Variants in DST observed in about 807,000 individuals in gnomAD.
DST encodes the protein dystonin, also known as bullous pemphigoid antigen.
In DST, 253 loss-of-function variants were observed where a neutral mutation model predicts 875.2. The observed-to-expected ratio is 0.29, with a 90% confidence interval of 0.26 to 0.32. DST has a LOEUF of 0.32. Ranked by LOEUF, DST falls within the 10% of genes least tolerant of loss-of-function variation. The pLI, the probability that DST is intolerant of heterozygous loss-of-function variation, is 1.00. For missense variants in DST, 8,287 were observed against 9,111.6 expected, an observed-to-expected ratio of 0.91 and a Z score of 3.68; for synonymous variants, 3,124 against 3,197.1, an observed-to-expected ratio of 0.98 and a Z score of 0.77.
At chr6:56,703,521 A>G (rs73746930) in intron 7 of DST, 127 bp downstream of exon 7, 12,853 of 173,460 alleles carry the variant, frequency 0.074, 1,707 homozygotes, top group African/African-American at 0.28. Flanking sequence ...ATCTACCTCA[A>G]TGTGGGTTTT....
chr6:56,572,093 T>C lies in DST; in HGVS notation c.13721+7A>G, dbSNP rs935906156. Reference sequence around the variant, plus strand: ...GAATAAAATATAATTTTTAAAGTGGTACTTACTTTTCTTTGATGGTATCCT... The same window carrying C: ...GAATAAAATATAATTTTTAAAGTGGCACTTACTTTTCTTTGATGGTATCCT... On this transcript the variant is annotated splice_region_variant and intron_variant, in intron 53 of 103. Coordinates refer to ENST00000680361, the MANE Select transcript of DST (RefSeq NM_001374736.1). 2.1e-6 allele frequency: 3 copies of C among 1,424,884 alleles called. No individual in the cohort carries two copies. The African/African-American group carries it at 4.4e-5, about 21-fold the overall frequency. 88.3% of individuals were successfully genotyped at this position (1,424,884 alleles called of 1,614,324 possible).
intron 97 of DST, 62 bp downstream of exon 97, chr6:56,469,821 A>T: frequency 7.1e-7 from 1 of 1,417,278 alleles, no homozygotes; most frequent in East Asian, 2.3e-5. Flanking sequence ...TGGAGATCAA[A>T]TTGTATACAG....
Position 56,528,835 on chromosome 6 carries a change from T to A in DST, c.17680+6A>T, listed in dbSNP as rs368963414. ...ACATGATGATTTGATTTGAAAGATA[T>A]CTCACCTGTGGTTTGTTTAAGTAGT... On this transcript the variant is annotated splice_donor_region_variant and intron_variant, in intron 67 of 103. Transcript: ENST00000680361. 7.1e-5 allele frequency: 108 copies of A among 1,525,120 alleles called. No individual in the cohort carries two copies. The highest frequency in any genetic ancestry group is 9.4e-5 in the Non-Finnish European group (105 of 1,115,306). The allele number at this position is 1,525,120 out of a possible 1,614,324, so 94.5% of individuals were successfully genotyped here. A position where few individuals can be genotyped will look rare whatever the true frequency, so the allele number is the denominator to read the frequency against.
At chr6:56,659,051 T>C (rs1249555507) in intron 10 of DST, among the ~76,000 whole-genome samples, 4 of 152,086 alleles carry the variant, frequency 2.6e-5, no homozygotes, top group African/African-American at 9.7e-5. Context: ...TGAAAAGCCA[T>C]CAAAATGCAT....
At chr6:56,480,685 T>C (rs1288579706) in intron 90 of DST, among the ~76,000 whole-genome samples, 2 of 152,210 alleles carry the variant, frequency 1.3e-5, no homozygotes, top group Non-Finnish European at 2.9e-5. Flanking sequence ...TACAGGTAAT[T>C]TTATGCTATT....
rs778997577 is a variant in DST at position 56,552,526 on chromosome 6, C to T, written c.16266G>A (p.Lys5422=). Residue 5422 remains lysine, a synonymous_variant, in exon 61 of 104, where the codon AAG becomes AAA. Transcript: ENST00000680361. ...GRDAETLQKQ[K]ETIKAFLKKL... is the part of the protein sequence containing the mutation. ...TCTTTAGAAAGGCTTTTATAGTTTC[C>T]TTTTGCTTTTGCAATGTTTCTGCAT... 3.1e-6 allele frequency: 5 copies of T among 1,613,810 alleles called. No homozygotes were observed. Among genetic ancestry groups the T allele is most frequent in the Non-Finnish European group, 4.2e-6 (5 of 1,179,872 alleles).
At chr6:56,780,388 T>C (rs1393481892) in intron 4 of DST, among the ~76,000 whole-genome samples, 1 of 151,644 alleles carries the variant, frequency 6.6e-6, no homozygotes, top group East Asian at 1.9e-4. Flanking sequence ...CCAGCACCTG[T>C]TGTTTCCTGA....
intron 60 of DST, among the ~76,000 whole-genome samples, chr6:56,554,141 G>A (rs746733867): frequency 6.9e-5 from 8 of 116,270 alleles, no homozygotes; most frequent in South Asian, 3.0e-4. Flanking sequence ...CTGGAGTGTT[G>A]AGGCGCTATC....
chr6:56,640,669 T>C, intron 17 of DST, 64 bp from the exon 18 acceptor site: 2 of 1,235,424 alleles, frequency 1.6e-6, no homozygotes, highest in Non-Finnish European at 2.4e-6. Context: ...GAGTGAACTC[T>C]AATGTTAATT....
intron 86 of DST, among the ~76,000 whole-genome samples, chr6:56,488,582 T>C (rs1371768149): frequency 1.3e-5 from 2 of 152,184 alleles, no homozygotes; most frequent in Non-Finnish European, 2.9e-5. Context: ...CTCCTAAGGT[T>C]AGACCCACTG....
At chr6:56,464,011 C>T (rs2094462246) in intron 100 of DST, 3 of 582,640 alleles carry the variant, frequency 5.1e-6, no homozygotes, top group South Asian at 1.7e-5. Flanking sequence ...TAACACTAGA[C>T]ACCAGCAAGA....
chr6:56,465,252 T>C (rs2152383817), intron 99 of DST, among the ~76,000 whole-genome samples: 1 of 152,296 alleles, frequency 6.6e-6, no homozygotes, highest in Admixed American at 6.5e-5. Flanking sequence ...GGAGGAAACC[T>C]GGGATCCCAC....
Position 56,478,890 on chromosome 6 carries a change from A to T in DST, c.21532-1402T>A, listed in dbSNP as rs565677819. On this transcript the variant is annotated intron_variant, in intron 90 of 103. Transcript: ENST00000680361. ...AATTTATGACAAAGATCCCAAAAGC[A>T]AATGTGACAAAAACAAATATAGACA... Among the ~76,000 whole-genome samples, 11 of 152,374 alleles carry T rather than the reference A, an allele frequency of 7.2e-5. 1 individual carries two copies. In the South Asian group the frequency reaches 2.1e-3, roughly 29 times the overall value.
chr6:56,824,400 G>C (rs1011293165), intron 4 of DST, among the ~76,000 whole-genome samples: 3 of 152,190 alleles, frequency 2.0e-5, no homozygotes, highest in African/African-American at 7.2e-5. Context: ...CCAAAGAGCC[G>C]AGATTGCAGC....
At chr6:56,870,112 G>A (rs1443829108) in intron 3 of DST, among the ~76,000 whole-genome samples, 1 of 152,064 alleles carries the variant, frequency 6.6e-6, no homozygotes, top group African/African-American at 2.4e-5. Context: ...CTCGTGGTGA[G>A]ACAGGACTAG....
At position 56,648,684 on chromosome 6, in the gene DST, A is replaced by G; in HGVS notation, c.1440T>C (p.Val480=). The G allele has an allele frequency of 6.4e-7, 1 of 1,560,784 alleles. No homozygotes were observed. The highest frequency in any genetic ancestry group is 8.7e-7 in the Non-Finnish European group (1 of 1,151,150). ...EGGEGIGAND[V]EVKWIEYQNM... is the part of the protein sequence containing the mutation. ...TCTGGTATTCAATCCATTTGACTTC[A>G]ACATCCTAGAACAATCAAATGATAG... The change falls in exon 13 of 104, where the codon GTT becomes GTC. Residue 480 remains valine, a synonymous_variant. Coordinates refer to ENST00000680361, the MANE Select transcript of DST (RefSeq NM_001374736.1).
At position 56,631,367 on chromosome 6, in the gene DST, C is replaced by T. The variant is rs763518239; in HGVS notation, c.3986G>A (p.Arg1329Gln). The T allele has an allele frequency of 5.1e-5, 83 of 1,613,722 alleles. 3 individuals are homozygous for T. In the Admixed American group the frequency reaches 1.2e-3, roughly 23 times the overall value. ...GATTGTTCCCAAATCATCTTTAAGT[C>T]GTTCCAGCTCTTTCTTTAGTTTCTA... ...EQEKLKKELE[R>Q]LKDDLGTITN... The change falls in exon 30 of 104, where the codon CGA (arginine) becomes CAA (glutamine). Residue 1329 changes from arginine (R) to glutamine (Q), a missense_variant. This residue lies in a region of DST where 3,138 missense variants were observed against 3,116.6 expected (regional missense o/e 1.01). Transcript: ENST00000680361.
rs1031537939 is a variant in DST at position 56,870,785 on chromosome 6, G to A, written c.418-19181C>T. 2.0e-5 allele frequency among the ~76,000 whole-genome samples: 3 copies of A among 151,972 alleles called. No homozygotes were observed. In the East Asian group the frequency reaches 5.8e-4, roughly 29 times the overall value. ...CATACAATGAAACAAGGCCCCACTG[G>A]TGAAACTATAGAAACAACAGACACA... is the stretch of plus-strand genomic sequence containing the variant. On this transcript the variant is annotated intron_variant, in intron 3 of 103. Transcript: ENST00000680361.
intron 5 of DST, among the ~76,000 whole-genome samples, chr6:56,704,986 A>G (rs906556844): frequency 6.6e-6 from 1 of 152,208 alleles, no homozygotes; most frequent in African/African-American, 2.4e-5. Flanking sequence ...TCAAAACTAA[A>G]TAACACTAGC....
Sources: allele counts gnomAD v4.1 joint callset (sites outside exome capture counted in the v4.1 genomes callset), GRCh38; gene constraint gnomAD v4.1.1; regional missense constraint gnomAD v4.1.1; transcripts MANE v1.5; gene names NCBI Gene and HGNC (gene_info 2026-07-23, HGNC 2026-07-21).